RGS6: variants seen among roughly 807,000 people sequenced by gnomAD.
RGS6 encodes the protein regulator of G protein signaling 6.
Under a neutral mutation model 78.5 loss-of-function variants are expected in RGS6, and 30 were observed. The observed-to-expected ratio is 0.38, with a 90% CI of 0.29 to 0.52. RGS6 has a LOEUF of 0.52. Ranked by LOEUF, RGS6 falls within the 20% of genes least tolerant of loss-of-function variation. RGS6 has a pLI of 0.85. For synonymous variants in RGS6, 206 were observed against 206.0 expected, an observed-to-expected ratio of 1.00 and a Z score of 0.00; for missense variants, 495 against 609.7, an observed-to-expected ratio of 0.81 and a Z score of 1.98.
chr14:72,434,873 C>G (rs183294940), intron 3 of RGS6, among the ~76,000 whole-genome samples: 1 of 151,946 alleles, frequency 6.6e-6, no homozygotes, highest in East Asian at 1.9e-4. Context: ...GATGATCTAT[C>G]TGCAATCTCT....
At chr14:72,017,537 A>AT (rs2087310800) in intron 2 of RGS6, among the ~76,000 whole-genome samples, 1 of 152,214 alleles carries the variant, frequency 6.6e-6, no homozygotes, top group African/African-American at 2.4e-5. Context: ...GTATTATAAC[A>AT]TCAGAGTTGA....
intron 2 of RGS6, among the ~76,000 whole-genome samples, chr14:72,129,669 G>A (rs12883809): frequency 0.24 from 37,059 of 152,036 alleles, 4,937 homozygotes; most frequent in Admixed American, 0.31. Flanking sequence ...TGCTCTTTGT[G>A]TGGCTTTTCC....
chr14:72,000,731 ATGT>A (rs1400303493), intron 2 of RGS6, among the ~76,000 whole-genome samples: 2 of 152,144 alleles, frequency 1.3e-5, no homozygotes, highest in African/African-American at 4.8e-5. Flanking sequence ...AGAGCCAGGA[ATGT>A]TGCATGCCAC....
intron 2 of RGS6, among the ~76,000 whole-genome samples, chr14:72,225,896 G>A (rs2153801083): frequency 6.6e-6 from 1 of 152,246 alleles, no homozygotes; most frequent in East Asian, 1.9e-4. Flanking sequence ...ACTAATAGAT[G>A]CTTCAGCTCA....
At chr14:72,151,096 G>A (rs2096679271) in intron 2 of RGS6, among the ~76,000 whole-genome samples, 1 of 152,202 alleles carries the variant, frequency 6.6e-6, no homozygotes, top group African/African-American at 2.4e-5. Flanking sequence ...ACACTGGTAG[G>A]TGATCAGAAC....
intron 2 of RGS6, among the ~76,000 whole-genome samples, chr14:72,028,215 A>G (rs955843577): frequency 6.6e-6 from 1 of 152,214 alleles, no homozygotes; most frequent in Admixed American, 6.5e-5. Context: ...TTCTTCAGGC[A>G]CATCTCCAGA....
chr14:72,222,113 A>G lies in RGS6; in HGVS notation c.85-129982A>G, dbSNP rs562213588. 8.5e-5 allele frequency among the ~76,000 whole-genome samples: 13 copies of G among 152,340 alleles called. No individual in the cohort carries two copies. The South Asian group carries it at 2.5e-3, about 29-fold the overall frequency. ...CAACTAATACTAGCATTGTGATCTGATTGCTGGTTTAGTTAATACATTTAC... is the reference window on the plus strand; with the variant it reads ...CAACTAATACTAGCATTGTGATCTGGTTGCTGGTTTAGTTAATACATTTAC... On this transcript the variant is annotated intron_variant, in intron 2 of 17. Coordinates refer to ENST00000553525, the MANE Select transcript of RGS6 (RefSeq NM_001204424.2).
At chr14:72,402,784 T>G (rs1388801290) in intron 3 of RGS6, among the ~76,000 whole-genome samples, 1 of 146,122 alleles carries the variant, frequency 6.8e-6, no homozygotes, top group Non-Finnish European at 1.5e-5. Context: ...ATTTTTTGTT[T>G]TTTTGGTTTT....
intron 2 of RGS6, among the ~76,000 whole-genome samples, chr14:72,212,635 A>G (rs568139961): frequency 2.0e-5 from 3 of 152,284 alleles, no homozygotes; most frequent in East Asian, 1.9e-4. Context: ...TGCTTAATCA[A>G]TGTTTGTTTC....
chr14:71,882,758 TGAAA>T, the RGS6 span, among the ~76,000 whole-genome samples: 5 of 152,190 alleles, frequency 3.3e-5, no homozygotes, highest in Non-Finnish European at 7.3e-5. Flanking sequence ...TTTAAAAGAG[TGAAA>T]GAAAGAGAAA....
intron 3 of RGS6, among the ~76,000 whole-genome samples, chr14:72,433,445 A>G (rs1043534085): frequency 1.6e-4 from 24 of 152,196 alleles, no homozygotes; most frequent in Non-Finnish European, 3.1e-4. Flanking sequence ...GCACACATTT[A>G]CCTAAGTAAC....
At chr14:72,154,826 C>T (rs1241118581) in intron 2 of RGS6, among the ~76,000 whole-genome samples, 4 of 152,200 alleles carry the variant, frequency 2.6e-5, no homozygotes, top group African/African-American at 9.7e-5. Context: ...ATCTTTTCCC[C>T]ATCAGTATTC....
chr14:72,462,962 A>G (rs939891061), intron 6 of RGS6, among the ~76,000 whole-genome samples: 2 of 152,250 alleles, frequency 1.3e-5, no homozygotes, highest in African/African-American at 4.8e-5. Context: ...TGTTGCTAGT[A>G]AAGGCAGAAA....
the RGS6 span, among the ~76,000 whole-genome samples, chr14:71,885,619 A>G: frequency 6.6e-6 from 1 of 152,228 alleles, no homozygotes; most frequent in Non-Finnish European, 1.5e-5. Flanking sequence ...GAGCCCCAGG[A>G]GGATCTGAGG....
At chr14:72,026,636 G>A (rs2089918055) in intron 2 of RGS6, among the ~76,000 whole-genome samples, 1 of 152,184 alleles carries the variant, frequency 6.6e-6, no homozygotes, top group South Asian at 2.1e-4. Flanking sequence ...CAACCCACGT[G>A]TGCCTCTGAA....
intron 2 of RGS6, among the ~76,000 whole-genome samples, chr14:72,051,814 C>T (rs1000901919): frequency 6.6e-6 from 1 of 152,212 alleles, no homozygotes; most frequent in South Asian, 2.1e-4. Context: ...TCACTGAGAA[C>T]TAAGGCTGCT....
chr14:72,485,441 A>G (rs2096469712), intron 12 of RGS6, among the ~76,000 whole-genome samples: 1 of 152,094 alleles, frequency 6.6e-6, no homozygotes, highest in Non-Finnish European at 1.5e-5. Flanking sequence ...TGCGTTGGCC[A>G]TTGCTGCCTC....
intron 2 of RGS6, among the ~76,000 whole-genome samples, chr14:72,018,497 T>C (rs530305604): frequency 2.6e-5 from 4 of 152,346 alleles, no homozygotes; most frequent in African/African-American, 9.6e-5. Context: ...TTTCTCAGAT[T>C]GGGCATTTCC....
Position 72,310,755 on chromosome 14 carries a change from C to T in RGS6, c.85-41340C>T, listed in dbSNP as rs559243648. ...TACACACATGGAGCTCCTTCCACCA[C>T]CAGCCTCCCCTGAGCCTTCATAAGA... is the stretch of plus-strand genomic sequence containing the variant. On this transcript the variant is annotated intron_variant, in intron 2 of 17. Transcript: ENST00000553525. 1.5e-4 allele frequency among the ~76,000 whole-genome samples: 23 copies of T among 152,260 alleles called. 1 individual carries two copies. The South Asian group carries it at 4.8e-3, about 32-fold the overall frequency.
Sources: allele counts gnomAD v4.1 joint callset (sites outside exome capture counted in the v4.1 genomes callset), GRCh38; gene constraint gnomAD v4.1.1; transcripts MANE v1.5; gene names NCBI Gene and HGNC (gene_info 2026-07-23, HGNC 2026-07-21).